DMBT1: variants seen among roughly 807,000 people sequenced by gnomAD.
DMBT1 encodes the protein deleted in malignant brain tumors 1.
DMBT1 carries 198 observed loss-of-function variants against 252.9 expected under a neutral mutation model. The ratio of observed to expected loss-of-function variants is 0.78; its 90% CI spans 0.70 to 0.88. The LOEUF is 0.88. DMBT1 is among the 40% of genes least tolerant of loss of function. DMBT1 has a pLI of 0.00. For missense variants in DMBT1, 2,432 were observed against 2,404.7 expected, an observed-to-expected ratio of 1.01 and a Z score of -0.24; for synonymous variants, 990 against 942.7, an observed-to-expected ratio of 1.05 and a Z score of -0.92.
chr10:122,573,191 C>T (rs1256396869), intron 5 of DMBT1, among the ~76,000 whole-genome samples: 1 of 152,220 alleles, frequency 6.6e-6, no homozygotes, highest in Admixed American at 6.5e-5. Flanking sequence ...GGGGTGTGTC[C>T]TTGGTAATCC....
intron 16 of DMBT1, among the ~76,000 whole-genome samples, chr10:122,587,332 C>T (rs1591315327): frequency 6.7e-6 from 1 of 148,614 alleles, no homozygotes. Context: ...AAACACAAGG[C>T]TGGGAGTGGA....
At chr10:122,631,830 T>C (rs202020759) in intron 49 of DMBT1, 25 bp from the exon 50 acceptor site, 1 of 1,613,766 alleles carries the variant, frequency 6.2e-7, no homozygotes, top group Non-Finnish European at 8.5e-7. Flanking sequence ...CTGTGACCTA[T>C]GCTTTTTTTC....
intron 16 of DMBT1, among the ~76,000 whole-genome samples, chr10:122,588,322 G>A (rs2097811014): frequency 6.8e-6 from 1 of 147,736 alleles, no homozygotes; most frequent in African/African-American, 2.4e-5. Flanking sequence ...AGCCAGTCCT[G>A]CTTCTGGTGT....
chr10:122,572,891 C>T (rs1244482194), intron 5 of DMBT1, among the ~76,000 whole-genome samples: 1 of 152,164 alleles, frequency 6.6e-6, no homozygotes, highest in African/African-American at 2.4e-5. Flanking sequence ...GGAACCCAGG[C>T]ATTCTCTTTA....
Position 122,621,400 on chromosome 10 carries a change from G to C in DMBT1, c.5608+20G>C. 6.2e-7 allele frequency: 1 copy of C among 1,613,754 alleles called. No individual in the cohort carries two copies. Among genetic ancestry groups the C allele is most frequent in the Non-Finnish European group, 8.5e-7 (1 of 1,179,722 alleles). The stretch of plus-strand genomic sequence containing the variant: ...GCTCAGGTGGGCCTTCAAGACCTGG[G>C]GCTCCCTCTCTTGGGGTGGAGTTTG... On this transcript the variant is annotated intron_variant, in intron 44 of 55. Transcript: ENST00000338354.
chr10:122,634,340 T>TTTTCTTTCTTTCTTTCTTTCTCTTTC (rs2098192231), intron 52 of DMBT1, among the ~76,000 whole-genome samples: 1 of 99,902 alleles, frequency 1.0e-5, no homozygotes, highest in Admixed American at 1.1e-4. Flanking sequence ...CTAAAAGCAC[T>TTTTCTTTCTTTCTTTCTTTCTCTTTC]TTTCTTTCTT....
At chr10:122,588,401 GA>G (rs113615536) in intron 16 of DMBT1, among the ~76,000 whole-genome samples, 2,692 of 136,952 alleles carry the variant, frequency 0.02, 228 homozygotes, top group East Asian at 0.17. Flanking sequence ...AAATAATAAA[GA>G]AAAAAAAAAA....
rs1016545406 is a variant in DMBT1, at chr10:122,643,611, C to G, written c.*213C>G. The G allele has an allele frequency of 1.1e-5, 7 of 648,368 alleles. No individual in the cohort carries two copies. In the African/African-American group the frequency reaches 1.3e-4, roughly 12 times the overall value. 40.2% of individuals were successfully genotyped at this position (648,368 alleles called of 1,614,324 possible). A position where few individuals can be genotyped will look rare whatever the true frequency, so the allele number is the denominator to read the frequency against. On this transcript the variant is annotated 3_prime_UTR_variant, in exon 56 of 56. Transcript: ENST00000338354. Reference sequence around the variant, plus strand: ...CAGGGTGAGGTCAAGAGAGTTCTGACCTGGATGGCCCATAGACCTGACGTC... The same window carrying G: ...CAGGGTGAGGTCAAGAGAGTTCTGAGCTGGATGGCCCATAGACCTGACGTC...
In DMBT1 at chr10:122,630,004, C is replaced by T. The variant is rs1220658044; in HGVS notation, c.5822+11C>T. ...CTTCAGTAATCTGAAGTAAGTAATGCCTGGTCATCTGGTGAGGGGTGAGTT... is the reference window on the plus strand; with the variant it reads ...CTTCAGTAATCTGAAGTAAGTAATGTCTGGTCATCTGGTGAGGGGTGAGTT... On this transcript the variant is annotated intron_variant, in intron 47 of 55. Coordinates refer to ENST00000338354, the MANE Select transcript of DMBT1 (RefSeq NM_001377530.1). 6.2e-7 allele frequency: 1 copy of T among 1,613,674 alleles called. No homozygotes were observed. Among genetic ancestry groups the T allele is most frequent in the Non-Finnish European group, 8.5e-7 (1 of 1,179,738 alleles).
At chr10:122,577,981 AGCATGGG>A (rs929614786) in intron 8 of DMBT1, 141 bp downstream of exon 8, 2 of 870,482 alleles carry the variant, frequency 2.3e-6, no homozygotes, top group Non-Finnish European at 3.6e-6. Flanking sequence ...CTGAGACCCT[AGCATGGG>A]GCTTCTTAAC....
At chr10:122,586,451 C>T in intron 16 of DMBT1, 68 bp downstream of exon 16, 3 of 1,558,516 alleles carry the variant, frequency 1.9e-6, no homozygotes, top group African/African-American at 1.4e-5. Flanking sequence ...TTATTATGTT[C>T]TAATCTCCTC....
chr10:122,600,383 G>C (rs767659110), intron 27 of DMBT1, among the ~76,000 whole-genome samples: 3 of 152,136 alleles, frequency 2.0e-5, no homozygotes, highest in Non-Finnish European at 4.4e-5. Context: ...TGTTTAATGA[G>C]CTTTGGTCCT....
intron 10 of DMBT1, among the ~76,000 whole-genome samples, chr10:122,580,129 G>A (rs189963115): frequency 6.6e-6 from 1 of 152,328 alleles, no homozygotes; most frequent in East Asian, 1.9e-4. Flanking sequence ...CCTTCCTGAG[G>A]CAAGGCAAGG....
chr10:122,565,015 G>A (rs991243096), intron 1 of DMBT1, among the ~76,000 whole-genome samples: 1 of 138,178 alleles, frequency 7.2e-6, no homozygotes, highest in Admixed American at 7.8e-5. Flanking sequence ...AACAGACTAT[G>A]AAGAAAGTGT....
At chr10:122,580,247 G>A (rs2097756286) in intron 10 of DMBT1, among the ~76,000 whole-genome samples, 1 of 152,210 alleles carries the variant, frequency 6.6e-6, no homozygotes, top group Non-Finnish European at 1.5e-5. Context: ...AGGCAGGGGA[G>A]GGATCCCCTC....
chr10:122,634,681 G>T (rs1408690984), intron 52 of DMBT1, among the ~76,000 whole-genome samples: 1 of 151,930 alleles, frequency 6.6e-6, no homozygotes, highest in South Asian at 2.1e-4. Flanking sequence ...ATTTTTATTA[G>T]AGACGGGGTT....
Position 122,579,646 on chromosome 10 carries a change from C to A in DMBT1, c.748C>A (p.Leu250Ile). Residue 250 changes from leucine (L) to isoleucine (I), a missense_variant, in exon 10 of 56, where the codon CTA (leucine) becomes ATA (isoleucine). Transcript: ENST00000338354. ...CAGGTGTCGAGGCCGAGTGGAGGTC[C>A]TATACCGAGGCTCCTGGGGCACCGT... is the stretch of plus-strand genomic sequence containing the variant. ...GDRCRGRVEVLYRGSWGTVCD... is the reference protein window; with the variant it reads ...GDRCRGRVEVIYRGSWGTVCD... 1 of 1,613,726 alleles carries A rather than the reference C, an allele frequency of 6.2e-7. No individual in the cohort carries two copies. Among genetic ancestry groups the A allele is most frequent in the Admixed American group, 1.7e-5 (1 of 60,016 alleles).
rs769489850 is a variant in DMBT1 at position 122,629,834 on chromosome 10, C to A, written c.5669-6C>A. 1.2e-5 allele frequency: 20 copies of A among 1,613,774 alleles called. No homozygotes were observed. The South Asian group carries it at 2.2e-4, about 18-fold the overall frequency. On this transcript the variant is annotated splice_region_variant and splice_polypyrimidine_tract_variant and intron_variant, in intron 46 of 55. Transcript: ENST00000338354. ...ACAATGGAGATGTCCCCTCTCTCCTCTCTAGGACCCTCTTCAAATTGTGGT... is the reference window on the plus strand; with the variant it reads ...ACAATGGAGATGTCCCCTCTCTCCTATCTAGGACCCTCTTCAAATTGTGGT...
intron 5 of DMBT1, 80 bp downstream of exon 5, chr10:122,572,441 T>C (rs2277230): frequency 0.7 from 1,100,960 of 1,574,326 alleles, 386,511 homozygotes; most frequent in Admixed American, 0.82. Flanking sequence ...AGATGAGGTG[T>C]AGAGGACATA....
Sources: gnomAD v4.1 joint callset for allele counts (sites outside exome capture counted in the v4.1 genomes callset) on GRCh38, gnomAD v4.1.1 for gene constraint, MANE v1.5 for transcripts, NCBI Gene and HGNC (gene_info 2026-07-23, HGNC 2026-07-21) for gene names.